MTA3: variants seen among roughly 807,000 people sequenced by gnomAD.
MTA3 encodes the protein metastasis-associated protein MTA3.
MTA3 carries 34 observed loss-of-function variants against 83.5 expected under a neutral mutation model. The ratio of observed to expected loss-of-function variants is 0.41; its 90% confidence interval spans 0.31 to 0.54. The LOEUF (loss-of-function observed/expected upper bound fraction) is 0.54. Ranked by LOEUF, MTA3 falls within the 20% of genes least tolerant of loss-of-function variation. The pLI, the probability that MTA3 is intolerant of heterozygous loss-of-function variation, is 0.33. For missense variants in MTA3, 761 were observed against 726.4 expected (o/e 1.05, Z -0.55); for synonymous variants, 303 against 252.7 (o/e 1.20, Z -1.89).
intron 16 of MTA3, among the ~76,000 whole-genome samples, chr2:42,729,397 A>C (rs978766146): frequency 2.6e-5 from 4 of 152,072 alleles, no homozygotes; most frequent in Non-Finnish European, 4.4e-5. Context: ...CACTGCGCCC[A>C]GCCCAGAGTT....
intron 4 of MTA3, among the ~76,000 whole-genome samples, chr2:42,636,155 C>T (rs1215384011): frequency 1.3e-5 from 2 of 152,030 alleles, no homozygotes; most frequent in African/African-American, 4.8e-5. Context: ...TGGACCCATC[C>T]CAAGACATTG....
intron 9 of MTA3, among the ~76,000 whole-genome samples, chr2:42,694,693 C>T (rs1693222043): frequency 1.3e-5 from 2 of 152,182 alleles, no homozygotes; most frequent in Admixed American, 6.5e-5. Context: ...TTCCTCAATG[C>T]CTCTTTCAAG....
intron 9 of MTA3, among the ~76,000 whole-genome samples, chr2:42,685,443 C>A (rs899541265): frequency 6.6e-6 from 1 of 152,142 alleles, no homozygotes. Flanking sequence ...TACTGCCGTC[C>A]CTGCTGTGAT....
chr2:42,564,796 A>T (rs1370152591), upstream of MTA3, among the ~76,000 whole-genome samples: 1 of 152,030 alleles, frequency 6.6e-6, no homozygotes, highest in African/African-American at 2.4e-5. Flanking sequence ...ATTTTTTTTG[A>T]GATGAAGTCT....
At chr2:42,741,673 A>T (rs1558635933) in intron 16 of MTA3, among the ~76,000 whole-genome samples, 2 of 152,074 alleles carry the variant, frequency 1.3e-5, no homozygotes, top group African/African-American at 4.8e-5. Context: ...CATTTTTTTT[A>T]TTAATTTTTT....
At chr2:42,636,546 C>G (rs1486822466) in intron 4 of MTA3, among the ~76,000 whole-genome samples, 4 of 149,934 alleles carry the variant, frequency 2.7e-5, no homozygotes, top group Admixed American at 1.3e-4. Context: ...TTTCTCAAAA[C>G]AAAACAAAAC....
At chr2:42,606,590 T>C (rs1362409840) in intron 3 of MTA3, among the ~76,000 whole-genome samples, 3 of 133,878 alleles carry the variant, frequency 2.2e-5, no homozygotes, top group Non-Finnish European at 4.8e-5. Context: ...CTCCTCACTT[T>C]CCAGACTGGG....
chr2:42,733,543 T>A (rs1468438495), intron 16 of MTA3, among the ~76,000 whole-genome samples: 1 of 152,214 alleles, frequency 6.6e-6, no homozygotes, highest in Non-Finnish European at 1.5e-5. Flanking sequence ...ATCCCATAGG[T>A]TTTGGTATGT....
chr2:42,588,680 C>G (rs1201326849), intron 3 of MTA3, among the ~76,000 whole-genome samples: 5 of 152,088 alleles, frequency 3.3e-5, no homozygotes, highest in African/African-American at 4.8e-5. Flanking sequence ...ATACTTCTTA[C>G]TATTCACCTA....
intron 8 of MTA3, among the ~76,000 whole-genome samples, chr2:42,671,424 TA>T (rs1191831597): frequency 6.6e-6 from 1 of 152,132 alleles, no homozygotes; most frequent in Non-Finnish European, 1.5e-5. Flanking sequence ...AATGGGAACT[TA>T]ATTTTGGTAA....
At chr2:42,584,152 T>TA (rs1468151212) in intron 3 of MTA3, among the ~76,000 whole-genome samples, 6 of 151,824 alleles carry the variant, frequency 4.0e-5, no homozygotes, top group Admixed American at 2.6e-4. Flanking sequence ...TACGAACTCT[T>TA]AAAAAAAACA....
intron 3 of MTA3, among the ~76,000 whole-genome samples, chr2:42,598,083 G>GT (rs1192747020): frequency 6.7e-6 from 1 of 148,868 alleles, no homozygotes; most frequent in South Asian, 2.1e-4. Context: ...TTTTCTTTTT[G>GT]TTTTTTTGAG....
rs190021684 is a variant in MTA3 at position 42,574,519 on chromosome 2, C to T, written c.96+4015C>T. Among the ~76,000 whole-genome samples, 209 of 152,256 alleles carry T rather than the reference C, an allele frequency of 1.4e-3. 1 individual carries two copies. Among genetic ancestry groups the T allele is most frequent in the African/African-American group, 4.8e-3 (201 of 41,552 alleles). Reference sequence around the variant, plus strand: ...AGCATAGATCCTGGCTCACTGCAACCTCCTCCTCCCAGGTTCAAGTGATTC... The same window carrying T: ...AGCATAGATCCTGGCTCACTGCAACTTCCTCCTCCCAGGTTCAAGTGATTC... On this transcript the variant is annotated intron_variant, in intron 2 of 16. Transcript: ENST00000405094.
intron 8 of MTA3, among the ~76,000 whole-genome samples, chr2:42,670,407 A>G (rs1035954788): frequency 2.0e-5 from 3 of 152,198 alleles, no homozygotes; most frequent in African/African-American, 4.8e-5. Flanking sequence ...AATGACACAA[A>G]TTAGAGAATT....
intron 4 of MTA3, among the ~76,000 whole-genome samples, chr2:42,609,805 A>G (rs1411938299): frequency 3.3e-5 from 5 of 152,194 alleles, no homozygotes; most frequent in African/African-American, 1.2e-4. Flanking sequence ...TGTTTTAATA[A>G]CAGACTTTCC....
chr2:42,640,960 G>A (rs768272390), intron 5 of MTA3, among the ~76,000 whole-genome samples: 25 of 152,102 alleles, frequency 1.6e-4, no homozygotes, highest in Admixed American at 6.6e-4. Flanking sequence ...ATTCTGGAAC[G>A]CAGTGACGTG....
chr2:42,707,391 G>A (rs990410658), intron 12 of MTA3, among the ~76,000 whole-genome samples: 1 of 151,920 alleles, frequency 6.6e-6, no homozygotes, highest in Admixed American at 6.6e-5. Context: ...CTACAGGTGC[G>A]TGCCACCATG....
intron 6 of MTA3, among the ~76,000 whole-genome samples, chr2:42,651,440 A>G (rs1573478843): frequency 6.6e-6 from 1 of 152,150 alleles, no homozygotes; most frequent in Non-Finnish European, 1.5e-5. Flanking sequence ...GTGAGACTCA[A>G]AGAAGAGCCA....
At chr2:42,731,944 G>A (rs559662415) in intron 16 of MTA3, among the ~76,000 whole-genome samples, 2 of 152,328 alleles carry the variant, frequency 1.3e-5, no homozygotes, top group Admixed American at 6.5e-5. Flanking sequence ...GGGTTATAGA[G>A]CCCATTCAAG....
Sources: gnomAD v4.1 joint callset for allele counts (sites outside exome capture counted in the v4.1 genomes callset) on GRCh38, gnomAD v4.1.1 for gene constraint, MANE v1.5 for transcripts, NCBI Gene and HGNC (gene_info 2026-07-23, HGNC 2026-07-21) for gene names.